The following PCDHA2 variants were observed in gnomAD, a reference collection of about 807,000 sequenced individuals.
The protein encoded by PCDHA2 is protocadherin alpha 2.
A neutral mutation model predicts 66.0 loss-of-function variants in PCDHA2; 58 were observed. The ratio of observed to expected loss-of-function variants is 0.88; its 90% CI spans 0.71 to 1.09. PCDHA2 has a LOEUF of 1.09. Among genes scored for constraint, PCDHA2 ranks in the 50% least tolerant of loss-of-function variants. The probability of loss-of-function intolerance (pLI) is 0.00; values close to 1 mark genes in which losing one functional copy is unlikely to be tolerated. For synonymous variants in PCDHA2, 634 were observed against 554.0 expected (o/e 1.14, Z -2.03); for missense variants, 1,267 against 1,242.3 (o/e 1.02, Z -0.30).
intron 1 of PCDHA2, chr5:140,850,778 C>G (rs371734141): frequency 6.3e-7 from 1 of 1,597,940 alleles, no homozygotes; most frequent in Non-Finnish European, 8.6e-7. Context: ...TGTGCTCTGG[C>G]GAGGGTAAGC....
At chr5:141,004,952 C>T (rs543938360) in intron 3 of PCDHA2, among the ~76,000 whole-genome samples, 52 of 152,346 alleles carry the variant, frequency 3.4e-4, no homozygotes, top group African/African-American at 1.2e-3. Context: ...TACCCTCTCT[C>T]GTCACTGCCT....
intron 3 of PCDHA2, among the ~76,000 whole-genome samples, chr5:141,003,897 T>G (rs1554259369): frequency 6.6e-6 from 1 of 152,132 alleles, no homozygotes; most frequent in Non-Finnish European, 1.5e-5. Flanking sequence ...ACAGGCCCAT[T>G]CATTTGGGTC....
rs550197512 is a variant in PCDHA2, at chr5:140,883,885, C to G, written c.2388+86533C>G. On this transcript the variant is annotated intron_variant, in intron 1 of 3. Coordinates refer to ENST00000526136, the MANE Select transcript of PCDHA2 (RefSeq NM_018905.3). ...TGCAGTTCCAGGTGAGCGCGCGCGA[C>G]TCTGGCGTGCCGCCTCTGGGCAGCA... The G allele has an allele frequency of 6.1e-5, 99 of 1,613,382 alleles. No homozygotes were observed. Among genetic ancestry groups the G allele is most frequent in the East Asian group, 1.6e-4 (7 of 44,866 alleles).
intron 1 of PCDHA2, chr5:140,829,138 G>A: frequency 6.2e-7 from 1 of 1,613,472 alleles, no homozygotes; most frequent in Non-Finnish European, 8.5e-7. Context: ...ACGTCCCTGA[G>A]ATAGCACTGA....
chr5:140,831,896 C>T (rs1408424935), intron 1 of PCDHA2, among the ~76,000 whole-genome samples: 1 of 152,054 alleles, frequency 6.6e-6, no homozygotes, highest in African/African-American at 2.4e-5. Context: ...CTGTGTTTGC[C>T]AAATAGCAAG....
At chr5:140,950,112 A>G (rs1263517017) in intron 1 of PCDHA2, among the ~76,000 whole-genome samples, 3 of 151,944 alleles carry the variant, frequency 2.0e-5, no homozygotes, top group Non-Finnish European at 4.4e-5. Context: ...ATCTCATACA[A>G]TACAAAACCC....
rs1554131658 is a variant in PCDHA2 at position 140,828,947 on chromosome 5, G to T, written c.2388+31595G>T. 6.2e-7 allele frequency: 1 copy of T among 1,614,120 alleles called. No individual in the cohort carries two copies. The highest frequency in any genetic ancestry group is 1.3e-5 in the African/African-American group (1 of 74,944). On this transcript the variant is annotated intron_variant, in intron 1 of 3. Transcript: ENST00000526136. Reference sequence around the variant, plus strand: ...TTCATATTCTTTTAATAGCCTTGTTGCAGCCATGGTTATTGACCACTTTAG... The same window carrying T: ...TTCATATTCTTTTAATAGCCTTGTTTCAGCCATGGTTATTGACCACTTTAG...
chr5:140,801,594 T>G (rs782256695), intron 1 of PCDHA2: 2 of 1,614,182 alleles, frequency 1.2e-6, no homozygotes, highest in Non-Finnish European at 1.7e-6. Context: ...CGCGCCAGTT[T>G]TTCCAATGGC....
intron 1 of PCDHA2, chr5:140,803,072 G>T (rs782398516): frequency 1.2e-6 from 2 of 1,613,932 alleles, no homozygotes; most frequent in South Asian, 1.1e-5. Context: ...TTCGCGTGGG[G>T]CTGTACACGG....
At chr5:140,903,800 A>T (rs2070614237) in intron 1 of PCDHA2, among the ~76,000 whole-genome samples, 1 of 152,178 alleles carries the variant, frequency 6.6e-6, no homozygotes, top group African/African-American at 2.4e-5. Context: ...GTTGTAATTG[A>T]CAAGTATAGT....
At chr5:140,934,771 A>G (rs1319115042) in intron 1 of PCDHA2, among the ~76,000 whole-genome samples, 2 of 152,184 alleles carry the variant, frequency 1.3e-5, no homozygotes, top group Non-Finnish European at 2.9e-5. Context: ...CATATTTGAT[A>G]TGGCCCAATC....
At chr5:140,925,434 G>C (rs1165185781) in intron 1 of PCDHA2, among the ~76,000 whole-genome samples, 1 of 152,088 alleles carries the variant, frequency 6.6e-6, no homozygotes, top group African/African-American at 2.4e-5. Flanking sequence ...TAGGGTGTTA[G>C]GCAGAATTTG....
intron 1 of PCDHA2, chr5:140,830,369 T>C: frequency 6.2e-7 from 1 of 1,614,088 alleles, no homozygotes; most frequent in African/African-American, 1.3e-5. Context: ...GAGGGTGTGC[T>C]CCGGGGAGGG....
chr5:140,800,165 A>G (rs1159174271), intron 1 of PCDHA2, among the ~76,000 whole-genome samples: 1 of 152,194 alleles, frequency 6.6e-6, no homozygotes, highest in Non-Finnish European at 1.5e-5. Context: ...ATTCAAATAC[A>G]TAAAGAGTGT....
At chr5:140,986,981 A>G (rs1180752989) in intron 3 of PCDHA2, among the ~76,000 whole-genome samples, 1 of 152,146 alleles carries the variant, frequency 6.6e-6, no homozygotes, top group Non-Finnish European at 1.5e-5. Flanking sequence ...TGGGAGGCCA[A>G]GGCAGGCAGA....
chr5:140,898,118 A>T (rs2153459272), intron 1 of PCDHA2, among the ~76,000 whole-genome samples: 1 of 151,730 alleles, frequency 6.6e-6, no homozygotes, highest in Non-Finnish European at 1.5e-5. Context: ...GGTTGCGAAA[A>T]TTTTCTCCCA....
In PCDHA2 at chr5:140,969,317, G is replaced by T. The variant is rs1554231675; in HGVS notation, c.2389-9632G>T. 3 of 1,614,156 alleles carry T rather than the reference G, an allele frequency of 1.9e-6. No homozygotes were observed. The East Asian group carries it at 6.7e-5, about 36-fold the overall frequency. ...CCTGATTATTCTCAAAAATGAGGCT[G>T]TTTCTCAAAATGAGGTGAGACAGTG... is the stretch of plus-strand genomic sequence containing the variant. On this transcript the variant is annotated intron_variant, in intron 1 of 3. Transcript: ENST00000526136.
Position 141,010,819 on chromosome 5 carries a change from TG to T in PCDHA2, c.*883del, listed in dbSNP as rs2098418471. ...AAAACCCCGACACCTCACCTTTCGCTGTTTGTTGTTTCATAGATTTATTTAA... is the reference window on the plus strand; with the variant it reads ...AAAACCCCGACACCTCACCTTTCGCTTTTGTTGTTTCATAGATTTATTTAA... On this transcript the variant is annotated 3_prime_UTR_variant, in exon 4 of 4. Coordinates refer to ENST00000526136, the MANE Select transcript of PCDHA2 (RefSeq NM_018905.3). The T allele has an allele frequency of 6.5e-6, 1 of 153,784 alleles. No individual in the cohort carries two copies. The highest frequency in any genetic ancestry group is 2.1e-4 in the South Asian group (1 of 4,838). 9.5% of individuals were successfully genotyped at this position (153,784 alleles called of 1,614,324 possible).
intron 1 of PCDHA2, among the ~76,000 whole-genome samples, chr5:140,941,319 CT>C (rs70988781): frequency 0.38 from 39,984 of 104,186 alleles, 7,512 homozygotes; most frequent in East Asian, 0.57. Flanking sequence ...TCTTCTTTCT[CT>C]TTTTTTTTTT....
Sources: allele counts gnomAD v4.1 joint callset (sites outside exome capture counted in the v4.1 genomes callset), GRCh38; gene constraint gnomAD v4.1.1; transcripts MANE v1.5; gene names NCBI Gene and HGNC (gene_info 2026-07-23, HGNC 2026-07-21).